The following NBN variants were observed in gnomAD, a reference collection of about 807,000 sequenced individuals.
The protein encoded by NBN is Nijmegen breakage syndrome 1 (nibrin).
In NBN, 88 loss-of-function variants were observed where a neutral mutation model predicts 90.8. The observed-to-expected ratio is 0.97, with a 90% confidence interval of 0.82 to 1.16. The LOEUF is 1.16. NBN is among the 50% of genes most tolerant of loss of function. NBN has a pLI of 0.00. For missense variants in NBN, 894 were observed against 869.6 expected (o/e 1.03, Z -0.35); for synonymous variants, 328 against 295.1 (o/e 1.11, Z -1.14).
chr8:89,982,906 T>A (rs372803797), intron 1 of NBN, 51 bp from the exon 2 acceptor site: 2 of 1,565,538 alleles, frequency 1.3e-6, no homozygotes, highest in Non-Finnish European at 8.8e-7. Context: ...CACATACACA[T>A]GTACACGAAC....
chr8:89,971,233 T>C lies in NBN; in HGVS notation c.642A>G (p.Gly214=), dbSNP rs763363235. 1 of 1,613,362 alleles carries C rather than the reference T, an allele frequency of 6.2e-7. No individual in the cohort carries two copies. The highest frequency in any genetic ancestry group is 8.5e-7 in the Non-Finnish European group (1 of 1,179,552). The part of the protein sequence containing the change: ...SIGSKNVDLS[G]RQERKQIFKG... The stretch of plus-strand genomic sequence containing the variant: ...TGAAGATTTGTTTTCTTTCCTGCCG[T>C]CCTGACAGATCAACATTTTTACTTC... Residue 214 remains glycine (G), a synonymous_variant, in exon 6 of 16, where the codon GGA becomes GGG. Coordinates refer to ENST00000265433, the MANE Select transcript of NBN (RefSeq NM_002485.5).
Position 89,955,557 on chromosome 8 carries a change from TG to T in NBN, c.1125-3del. Reference sequence around the variant, plus strand: ...TCTTTTGGCCTTTCACTCAAATCCCTGTAGAAAAAGAAAAGAATGCAAGGTA... The same window carrying T: ...TCTTTTGGCCTTTCACTCAAATCCCTTAGAAAAAGAAAAGAATGCAAGGTA... On this transcript the variant is annotated splice_region_variant and splice_polypyrimidine_tract_variant and intron_variant, in intron 9 of 15. Transcript: ENST00000265433. The T allele has an allele frequency of 6.2e-7, 1 of 1,612,210 alleles. No individual in the cohort carries two copies. Among genetic ancestry groups the T allele is most frequent in the African/African-American group, 1.3e-5 (1 of 75,002 alleles).
chr8:89,935,887 G>A (rs1809649072), intron 15 of NBN, among the ~76,000 whole-genome samples: 1 of 151,870 alleles, frequency 6.6e-6, no homozygotes. Flanking sequence ...TAAAAATGAA[G>A]GTATGTTTAC....
At chr8:89,955,199 G>A (rs1006797397) in intron 10 of NBN, 84 bp downstream of exon 10, 8 of 1,351,570 alleles carry the variant, frequency 5.9e-6, no homozygotes, top group African/African-American at 1.4e-5. Context: ...AATCAGAACA[G>A]ACTAAAGACA....
Position 89,946,253 on chromosome 8 carries a change from T to C in NBN, c.1957A>G (p.Lys653Glu). 6.3e-7 allele frequency: 1 copy of C among 1,586,924 alleles called. No individual in the cohort carries two copies. The highest frequency in any genetic ancestry group is 8.7e-7 in the Non-Finnish European group (1 of 1,155,620). The stretch of plus-strand genomic sequence containing the variant: ...GATCTAAATTCAGTCAATAACAGCT[T>C]TTTTGGAAGCATCTCACTATCATCC... ...LQDDSEMLPKKLLLTEFRSLV... is the reference protein window; with the variant it reads ...LQDDSEMLPKELLLTEFRSLV... The change falls in exon 13 of 16, where the codon AAG becomes GAG. Residue 653 changes from lysine (K) to glutamate (E), a missense_variant. Transcript: ENST00000265433.
intron 5 of NBN, among the ~76,000 whole-genome samples, chr8:89,975,723 C>A (rs902525486): frequency 3.9e-5 from 6 of 152,122 alleles, no homozygotes; most frequent in African/African-American, 1.4e-4. Flanking sequence ...AGGTTAAACA[C>A]AACTGACAAT....
intron 7 of NBN, among the ~76,000 whole-genome samples, chr8:89,969,419 T>C (rs13312886): frequency 4.6e-5 from 7 of 152,220 alleles, no homozygotes; most frequent in African/African-American, 1.7e-4. Context: ...ATTTCAACGC[T>C]AGGCAATTGC....
chr8:89,955,360 A>G lies in NBN; in HGVS notation c.1320T>C (p.Asn440=), dbSNP rs755513646. 1.2e-6 allele frequency: 2 copies of G among 1,613,670 alleles called. No homozygotes were observed. The highest frequency in any genetic ancestry group is 8.5e-7 in the Non-Finnish European group (1 of 1,179,770). Residue 440 remains asparagine (N), a synonymous_variant, in exon 10 of 16, where the codon AAT becomes AAC. Coordinates refer to ENST00000265433, the MANE Select transcript of NBN (RefSeq NM_002485.5). Reference sequence around the variant, plus strand: ...GCTGAGAAGCCCTATCTTTACTTTTATTTATACTTGGCAATTTAGTTGGTG... The same window carrying G: ...GCTGAGAAGCCCTATCTTTACTTTTGTTTATACTTGGCAATTTAGTTGGTG... ...QLSPTKLPSI[N]KSKDRASQQQ... is the part of the protein sequence containing the mutation.
chr8:89,936,640 C>T (rs566267916), intron 15 of NBN, among the ~76,000 whole-genome samples: 1 of 152,164 alleles, frequency 6.6e-6, no homozygotes, highest in Non-Finnish European at 1.5e-5. Flanking sequence ...TTTAATCTAG[C>T]CTTTTGTTTT....
At chr8:89,962,668 T>C (rs959515326) in intron 8 of NBN, among the ~76,000 whole-genome samples, 6 of 152,194 alleles carry the variant, frequency 3.9e-5, no homozygotes, top group South Asian at 2.1e-4. Flanking sequence ...GATTTGGTTA[T>C]ATTTAAAACT....
intron 5 of NBN, among the ~76,000 whole-genome samples, chr8:89,973,460 T>C (rs1811604429): frequency 6.6e-6 from 1 of 152,212 alleles, no homozygotes; most frequent in South Asian, 2.1e-4. Context: ...ATCTAGAAGC[T>C]AACCAAATGC....
At chr8:89,965,359 A>AT (rs1449230810) in intron 7 of NBN, among the ~76,000 whole-genome samples, 2 of 152,174 alleles carry the variant, frequency 1.3e-5, no homozygotes, top group Admixed American at 6.5e-5. Context: ...TGGTGAACCT[A>AT]TTTTTTGTTG....
Position 89,943,333 on chromosome 8 carries a change from T to C in NBN, c.2104A>G (p.Ile702Val), listed in dbSNP as rs1554555821. The C allele has an allele frequency of 6.2e-7, 1 of 1,610,142 alleles. No individual in the cohort carries two copies. Among genetic ancestry groups the C allele is most frequent in the Non-Finnish European group, 8.5e-7 (1 of 1,176,462 alleles). The change falls in exon 14 of 16, where the codon ATC (isoleucine) becomes GTC (valine). Residue 702 changes from isoleucine (I) to valine (V), a missense_variant. Coordinates refer to ENST00000265433, the MANE Select transcript of NBN (RefSeq NM_002485.5). ...GCTATTAGATCTGATCCTCCAATGA[T>C]GTGTGGAAGTTTTCCTGCTCCAGGA... ...TYPGAGKLPH[I>V]IGGSDLIAHH...
At chr8:89,964,831 T>C (rs1350488181) in intron 7 of NBN, among the ~76,000 whole-genome samples, 1 of 152,150 alleles carries the variant, frequency 6.6e-6, no homozygotes, top group Non-Finnish European at 1.5e-5. Flanking sequence ...CAGGCTTTTA[T>C]GGCCAGGCAT....
chr8:89,950,488 A>G (rs1185306724), intron 11 of NBN, among the ~76,000 whole-genome samples: 1 of 152,164 alleles, frequency 6.6e-6, no homozygotes, highest in Non-Finnish European at 1.5e-5. Flanking sequence ...ACAGGTTGGT[A>G]AAATCAGAGG....
rs1382032181 is a variant in NBN, at chr8:89,971,159, TATAAC to T, written c.702+9_702+13del. 1 of 1,608,954 alleles carries T rather than the reference TATAAC, an allele frequency of 6.2e-7. No homozygotes were observed. Among genetic ancestry groups the T allele is most frequent in the Admixed American group, 1.7e-5 (1 of 59,896 alleles). On this transcript the variant is annotated intron_variant, in intron 6 of 15. Coordinates refer to ENST00000265433, the MANE Select transcript of NBN (RefSeq NM_002485.5). ...ATGTATTCTTTAGGAAAATTTAGCT[TATAAC>T]ATAATTACCTGTTTGGCATTCAAAA...
rs191326648 is a variant in NBN, at chr8:89,967,187, T to A, written c.897-2680A>T. Among the ~76,000 whole-genome samples, 251 of 152,282 alleles carry A rather than the reference T, an allele frequency of 1.6e-3. 4 individuals carry two copies. Among genetic ancestry groups the A allele is most frequent in the East Asian group, 9.6e-4 (5 of 5,190 alleles). ...TACCACATTCCAAAGATGTGCACAT[T>A]AGGTGAACTGGTGTGTCCAAATTGT... is the stretch of plus-strand genomic sequence containing the variant. On this transcript the variant is annotated intron_variant, in intron 7 of 15. Coordinates refer to ENST00000265433, the MANE Select transcript of NBN (RefSeq NM_002485.5).
chr8:89,954,567 A>C (rs1810608370), intron 10 of NBN, among the ~76,000 whole-genome samples: 2 of 151,990 alleles, frequency 1.3e-5, no homozygotes, highest in Middle Eastern at 3.4e-3. Flanking sequence ...ATTTGGTGAG[A>C]GGACAGAAAA....
chr8:89,946,392 T>TG (rs1481195102), intron 12 of NBN, 97 bp from the exon 13 acceptor site: 1 of 1,035,628 alleles, frequency 9.7e-7, no homozygotes, highest in Non-Finnish European at 1.5e-6. Context: ...TTCAAATACC[T>TG]GAAAAAATAG....
Sources: gnomAD v4.1 joint callset for allele counts (sites outside exome capture counted in the v4.1 genomes callset) on GRCh38, gnomAD v4.1.1 for gene constraint, MANE v1.5 for transcripts, NCBI Gene and HGNC (gene_info 2026-07-23, HGNC 2026-07-21) for gene names.